Variants in CAMKMT observed in about 807,000 individuals in gnomAD.
CAMKMT encodes the protein CaM KMT.
Under a neutral mutation model 48.0 loss-of-function variants are expected in CAMKMT, and 53 were observed. The ratio of observed to expected loss-of-function variants is 1.10; its 90% CI spans 0.89 to 1.39. The LOEUF (loss-of-function observed/expected upper bound fraction) is 1.39. Ranked by LOEUF, CAMKMT falls within the 40% of genes most tolerant of loss-of-function variation. The pLI, the probability that CAMKMT is intolerant of heterozygous loss-of-function variation, is 0.00. For synonymous variants in CAMKMT, 165 were observed against 152.3 expected, an observed-to-expected ratio of 1.08 and a Z score of -0.61; for missense variants, 428 against 402.7, an observed-to-expected ratio of 1.06 and a Z score of -0.54.
At chr2:44,512,787 G>C (rs982201440) in intron 3 of CAMKMT, among the ~76,000 whole-genome samples, 4 of 151,970 alleles carry the variant, frequency 2.6e-5, no homozygotes, top group Non-Finnish European at 5.9e-5. Flanking sequence ...ATTTTTATTT[G>C]ATTTATATTT....
chr2:44,406,307 AG>A (rs1682774793), intron 3 of CAMKMT, among the ~76,000 whole-genome samples: 1 of 152,114 alleles, frequency 6.6e-6, no homozygotes, highest in Admixed American at 6.5e-5. Context: ...ATTTTTTAAA[AG>A]GGGAATTTAT....
chr2:44,750,366 A>G (rs564400225), intron 8 of CAMKMT, among the ~76,000 whole-genome samples: 4 of 152,154 alleles, frequency 2.6e-5, no homozygotes, highest in African/African-American at 9.7e-5. Context: ...TATGTTGGTC[A>G]GGCTGGCCTT....
intron 3 of CAMKMT, among the ~76,000 whole-genome samples, chr2:44,515,688 C>T (rs193038747): frequency 1.1e-3 from 174 of 152,304 alleles, no homozygotes; most frequent in Non-Finnish European, 9.0e-4. Flanking sequence ...GAGTTTAAAG[C>T]TACAGCACAT....
chr2:44,558,669 A>G (rs1382860679), intron 3 of CAMKMT, among the ~76,000 whole-genome samples: 1 of 152,142 alleles, frequency 6.6e-6, no homozygotes, highest in Non-Finnish European at 1.5e-5. Context: ...TCCTAAGCAA[A>G]TTAATGCCAG....
In CAMKMT at chr2:44,472,414, C is replaced by T. The variant is rs181642871; in HGVS notation, c.376+82109C>T. On this transcript the variant is annotated intron_variant, in intron 3 of 10. Coordinates refer to ENST00000378494, the MANE Select transcript of CAMKMT (RefSeq NM_024766.5). ...ATAAAGTACATACCATAGTAGTCAG[C>T]GAATAAATTGTAGCTATTACTACTG... 3.4e-4 allele frequency among the ~76,000 whole-genome samples: 51 copies of T among 152,166 alleles called. No homozygotes were observed. The East Asian group carries it at 4.0e-3, about 12-fold the overall frequency.
intron 3 of CAMKMT, among the ~76,000 whole-genome samples, chr2:44,441,687 C>T (rs1379029766): frequency 6.6e-6 from 1 of 151,938 alleles, no homozygotes; most frequent in Admixed American, 6.6e-5. Context: ...TTAGAAAGTG[C>T]TTGGTCTTCT....
chr2:44,493,330 A>G (rs1429210626), intron 3 of CAMKMT, among the ~76,000 whole-genome samples: 5 of 152,138 alleles, frequency 3.3e-5, no homozygotes, highest in Admixed American at 1.3e-4. Flanking sequence ...ATATCTGCCT[A>G]TATACTGTAT....
chr2:44,476,599 C>G (rs1210906626), intron 3 of CAMKMT, among the ~76,000 whole-genome samples: 1 of 150,788 alleles, frequency 6.6e-6, no homozygotes, highest in Non-Finnish European at 1.5e-5. Context: ...TAAAAAAAAA[C>G]TTTATATGTT....
intron 3 of CAMKMT, among the ~76,000 whole-genome samples, chr2:44,637,884 G>A (rs1438013098): frequency 6.6e-6 from 1 of 151,920 alleles, no homozygotes; most frequent in East Asian, 1.9e-4. Context: ...GGCCAACATG[G>A]TGAAACCCCA....
chr2:44,757,872 T>G (rs1040347103), intron 9 of CAMKMT, among the ~76,000 whole-genome samples: 1 of 152,108 alleles, frequency 6.6e-6, no homozygotes, highest in Non-Finnish European at 1.5e-5. Context: ...ACGCTCGGCC[T>G]TATGGGGGCC....
chr2:44,655,910 C>T (rs1358354175), intron 3 of CAMKMT, among the ~76,000 whole-genome samples: 1 of 152,144 alleles, frequency 6.6e-6, no homozygotes, highest in African/African-American at 2.4e-5. Flanking sequence ...TCAGCCTCTT[C>T]TGGTACAATA....
chr2:44,406,386 T>C (rs1011245447), intron 3 of CAMKMT, among the ~76,000 whole-genome samples: 1 of 152,170 alleles, frequency 6.6e-6, no homozygotes, highest in Non-Finnish European at 1.5e-5. Flanking sequence ...GTTTGATTTA[T>C]TATAAGAGAT....
intron 3 of CAMKMT, among the ~76,000 whole-genome samples, chr2:44,679,620 T>G (rs1675906093): frequency 6.6e-6 from 1 of 152,216 alleles, no homozygotes; most frequent in Non-Finnish European, 1.5e-5. Flanking sequence ...AGAAAACTAA[T>G]TTTAACGTTA....
In CAMKMT at chr2:44,525,153, A is replaced by C. The variant is rs114170949; in HGVS notation, c.376+134848A>C. Among the ~76,000 whole-genome samples, 1,480 of 152,314 alleles carry C rather than the reference A, an allele frequency of 9.7e-3. 19 individuals carry two copies. The highest frequency in any genetic ancestry group is 0.032 in the African/African-American group (1,343 of 41,568). On this transcript the variant is annotated intron_variant, in intron 3 of 10. Transcript: ENST00000378494. ...TAAATTTTATAGGTTAGATGACACA[A>C]AATATATAGTAAATTAGATTATTAT...
intron 3 of CAMKMT, among the ~76,000 whole-genome samples, chr2:44,632,719 C>T (rs1672905093): frequency 6.6e-6 from 1 of 152,152 alleles, no homozygotes; most frequent in Non-Finnish European, 1.5e-5. Context: ...AGGCAGACTC[C>T]CTTTAATCTG....
At chr2:44,402,179 A>G (rs980715134) in intron 3 of CAMKMT, among the ~76,000 whole-genome samples, 3 of 152,110 alleles carry the variant, frequency 2.0e-5, no homozygotes, top group Non-Finnish European at 2.9e-5. Context: ...ATACAAAAAA[A>G]TTAGCCAGGC....
chr2:44,731,520 A>G (rs1244015442), intron 7 of CAMKMT, among the ~76,000 whole-genome samples: 1 of 152,212 alleles, frequency 6.6e-6, no homozygotes, highest in African/African-American at 2.4e-5. Context: ...CCCATTTGAC[A>G]TTAGGTTTTA....
chr2:44,716,239 C>T (rs1386200349), intron 7 of CAMKMT, among the ~76,000 whole-genome samples: 1 of 152,094 alleles, frequency 6.6e-6, no homozygotes, highest in Non-Finnish European at 1.5e-5. Flanking sequence ...CACTTTCCCA[C>T]CCCAACTTCC....
chr2:44,626,570 A>G (rs998003011), intron 3 of CAMKMT, among the ~76,000 whole-genome samples: 4 of 152,200 alleles, frequency 2.6e-5, no homozygotes, highest in African/African-American at 9.6e-5. Flanking sequence ...AGGCACCAGC[A>G]GATTAGGTGT....
Sources: gnomAD v4.1 joint callset for allele counts (sites outside exome capture counted in the v4.1 genomes callset) on GRCh38, gnomAD v4.1.1 for gene constraint, MANE v1.5 for transcripts, NCBI Gene and HGNC (gene_info 2026-07-23, HGNC 2026-07-21) for gene names.